Variants in NREP observed in about 807,000 individuals in gnomAD.
The protein encoded by NREP is neuronal regeneration related protein, also known as neuronal regeneration-related protein.
Under a neutral mutation model 8.6 loss-of-function variants are expected in NREP, and 5 were observed. That is an observed-to-expected ratio of 0.58 (90% CI 0.30 to 1.22). NREP has a LOEUF of 1.22. Among genes scored for constraint, NREP ranks in the 50% most tolerant of loss-of-function variants. The pLI is 0.07. For missense variants in NREP, 86 were observed against 82.5 expected, an observed-to-expected ratio of 1.04 and a Z score of -0.17; for synonymous variants, 27 against 28.0, an observed-to-expected ratio of 0.96 and a Z score of 0.11.
chr5:111,808,793 C>T (rs1312568743), intron 2 of NREP, among the ~76,000 whole-genome samples: 1 of 152,182 alleles, frequency 6.6e-6, no homozygotes, highest in African/African-American at 2.4e-5. Flanking sequence ...CCAGTATTGC[C>T]ACTGCCTTTT....
intron 2 of NREP, among the ~76,000 whole-genome samples, chr5:111,970,825 C>CAAAAAAAAAAAAAAAAAAAAAAAAAAAAA (rs33962098): frequency 1.9e-5 from 1 of 53,640 alleles, no homozygotes; most frequent in Non-Finnish European, 3.4e-5. Context: ...GACTCCATCT[C>CAAAAAAAAAAAAAAAAAAAAAAAAAAAAA]AAAAAAAAAA....
At chr5:111,895,045 C>T (rs1391815531) in intron 2 of NREP, among the ~76,000 whole-genome samples, 2 of 152,220 alleles carry the variant, frequency 1.3e-5, no homozygotes, top group East Asian at 3.8e-4. Flanking sequence ...CCTTTCAAAG[C>T]AGCTTTATGC....
intron 3 of NREP, chr5:111,734,829 T>G: frequency 1.7e-6 from 1 of 573,098 alleles, no homozygotes; most frequent in East Asian, 3.0e-5. Context: ...CAAAGTCCAG[T>G]ATCTACAGTA....
intron 2 of NREP, among the ~76,000 whole-genome samples, chr5:111,845,073 C>A (rs1753126424): frequency 6.6e-6 from 1 of 152,044 alleles, no homozygotes; most frequent in East Asian, 1.9e-4. Context: ...AGAGGTCTGC[C>A]TGTTGCCTTC....
intron 3 of NREP, among the ~76,000 whole-genome samples, chr5:111,731,390 G>GTGAT (rs1396658165): frequency 1.7e-4 from 25 of 147,124 alleles, no homozygotes; most frequent in South Asian, 1.1e-3. Context: ...CTTAGACTGG[G>GTGAT]TGATTGATAG....
chr5:111,848,071 A>G (rs1371391889), intron 2 of NREP, among the ~76,000 whole-genome samples: 2 of 152,146 alleles, frequency 1.3e-5, no homozygotes, highest in African/African-American at 4.8e-5. Context: ...TCCTATCCAA[A>G]TATCTCCATT....
At chr5:111,808,946 A>G (rs1451714579) in intron 2 of NREP, among the ~76,000 whole-genome samples, 2 of 152,168 alleles carry the variant, frequency 1.3e-5, no homozygotes, top group African/African-American at 4.8e-5. Context: ...TTACACTATT[A>G]TAATTATGTT....
At chr5:111,938,465 C>T (rs1386590084) in intron 2 of NREP, among the ~76,000 whole-genome samples, 2 of 152,010 alleles carry the variant, frequency 1.3e-5, no homozygotes, top group African/African-American at 2.4e-5. Context: ...GCAAGTGAAA[C>T]TTAAACTAAA....
Position 111,730,028 on chromosome 5 carries a change from T to G in NREP, c.*893A>C, listed in dbSNP as rs1438715631. ...GAGACACCTCAAAATGCCTGTAAAA[T>G]TATTGCTTTTCTTTCTCTAAGTCAG... is the stretch of plus-strand genomic sequence containing the variant. On this transcript the variant is annotated 3_prime_UTR_variant, in exon 4 of 4. Coordinates refer to ENST00000257435, the MANE Select transcript of NREP (RefSeq NM_004772.4). The G allele has an allele frequency of 6.7e-6, 1 of 149,198 alleles. No individual in the cohort carries two copies. The highest frequency in any genetic ancestry group is 1.5e-5 in the Non-Finnish European group (1 of 67,858). The allele number at this position is 149,198 out of a possible 1,614,324, so 9.2% of individuals were successfully genotyped here.
rs193101684 is a variant in NREP at position 111,974,797 on chromosome 5, G to A, written c.135+477C>T. ...CAAGATTCTTACATACCTATAAAATGATAGTTGGCAACATCATATTTATCA... is the reference window on the plus strand; with the variant it reads ...CAAGATTCTTACATACCTATAAAATAATAGTTGGCAACATCATATTTATCA... On this transcript the variant is annotated intron_variant, in intron 2 of 3. Coordinates refer to the NREP transcript ENST00000395634. 2.1e-3 allele frequency among the ~76,000 whole-genome samples: 315 copies of A among 152,274 alleles called. 1 individual carries two copies. Among genetic ancestry groups the A allele is most frequent in the Middle Eastern group, 3.4e-3 (1 of 294 alleles).
At chr5:111,756,079 C>G in intron 1 of NREP, 1 of 1,169,802 alleles carries the variant, frequency 8.5e-7, no homozygotes. Flanking sequence ...TTTGGTTCAT[C>G]TTTAAATTGC....
chr5:111,739,815 A>C lies in NREP; in HGVS notation c.4-4308T>G, dbSNP rs1457618277. ...AATACCTCAAAACTGTTGTTTCATT[A>C]AACAAACCAAAGTTTGCATTAATCT... On this transcript the variant is annotated intron_variant, in intron 2 of 3. Transcript: ENST00000257435. 2.6e-5 allele frequency: 4 copies of C among 151,976 alleles called. No homozygotes were observed. The East Asian group carries it at 5.8e-4, about 22-fold the overall frequency. The allele number at this position is 151,976 out of a possible 1,614,324, so 9.4% of individuals were successfully genotyped here. A position where few individuals can be genotyped will look rare whatever the true frequency, so the allele number is the denominator to read the frequency against.
chr5:111,819,435 C>T (rs897632154), intron 2 of NREP, among the ~76,000 whole-genome samples: 15 of 152,186 alleles, frequency 9.9e-5, no homozygotes, highest in African/African-American at 3.1e-4. Flanking sequence ...GTGTTCCCGC[C>T]ATTACTCCAT....
At chr5:111,895,595 T>C (rs1238639458) in intron 2 of NREP, among the ~76,000 whole-genome samples, 8 of 152,022 alleles carry the variant, frequency 5.3e-5, no homozygotes, top group Admixed American at 5.2e-4. Context: ...ATAAGAGAGT[T>C]ATCTAAGGGT....
intron 2 of NREP, among the ~76,000 whole-genome samples, chr5:111,914,272 T>C (rs1338746894): frequency 1.3e-5 from 2 of 152,150 alleles, no homozygotes; most frequent in Non-Finnish European, 2.9e-5. Flanking sequence ...AGACCTATGC[T>C]AACATTCTTA....
chr5:111,896,886 T>A (rs1754524301), intron 2 of NREP, among the ~76,000 whole-genome samples: 1 of 151,852 alleles, frequency 6.6e-6, no homozygotes. Flanking sequence ...TGAGTTACAA[T>A]ATGATTTATT....
intron 2 of NREP, among the ~76,000 whole-genome samples, chr5:111,896,867 G>C (rs1355309718): frequency 6.6e-6 from 1 of 152,104 alleles, no homozygotes; most frequent in Non-Finnish European, 1.5e-5. Context: ...AATACTAACA[G>C]AAGATATTTG....
At position 111,793,298 on chromosome 5, in the gene NREP, C is replaced by T. The variant is rs760879691; in HGVS notation, c.136-57791G>A. Among the ~76,000 whole-genome samples the T allele has an allele frequency of 3.3e-4, 50 of 152,010 alleles. 1 individual carries two copies. Among genetic ancestry groups the T allele is most frequent in the African/African-American group, 1.0e-3 (42 of 41,384 alleles). ...ACGGAGGCTGAGAAGTCCCACAACA[C>T]GCCATCTGCAAGCTGGAGAACGAGG... On this transcript the variant is annotated intron_variant, in intron 2 of 3. Transcript: ENST00000395634.
intron 2 of NREP, among the ~76,000 whole-genome samples, chr5:111,819,724 T>C (rs1752473885): frequency 6.6e-6 from 1 of 152,198 alleles, no homozygotes; most frequent in African/African-American, 2.4e-5. Flanking sequence ...TTAATATACA[T>C]TGTTGATACA....
Sources: allele counts gnomAD v4.1 joint callset (sites outside exome capture counted in the v4.1 genomes callset), GRCh38; gene constraint gnomAD v4.1.1; transcripts MANE v1.5; gene names NCBI Gene and HGNC (gene_info 2026-07-23, HGNC 2026-07-21).